SEMA4D: variants seen among roughly 807,000 people sequenced by gnomAD.
The protein encoded by SEMA4D is semaphorin-4D.
A neutral mutation model predicts 74.8 loss-of-function variants in SEMA4D; 22 were observed. That is an observed-to-expected ratio of 0.29 (90% confidence interval 0.21 to 0.42). The LOEUF (loss-of-function observed/expected upper bound fraction) is 0.42. Ranked by LOEUF, SEMA4D falls within the 10% of genes least tolerant of loss-of-function variation. SEMA4D has a pLI of 1.00. For missense variants in SEMA4D, 937 were observed against 1,118.4 expected (o/e 0.84, Z 2.31); for synonymous variants, 445 against 463.7 (o/e 0.96, Z 0.52).
intron 3 of SEMA4D, 111 bp from the exon 4 acceptor site, chr9:89,403,127 G>A: frequency 7.7e-7 from 1 of 1,293,032 alleles, no homozygotes; most frequent in South Asian, 1.4e-5. Flanking sequence ...AGCACGTCTG[G>A]GTGCAGTCAT....
intron 2 of SEMA4D, among the ~76,000 whole-genome samples, chr9:89,408,211 C>A (rs1843725061): frequency 6.6e-6 from 1 of 152,178 alleles, no homozygotes; most frequent in Non-Finnish European, 1.5e-5. Context: ...ATGTTTATTG[C>A]TCTGACAAAT....
intron 2 of SEMA4D, among the ~76,000 whole-genome samples, chr9:89,413,605 C>T (rs887022463): frequency 1.3e-5 from 2 of 152,226 alleles, no homozygotes; most frequent in African/African-American, 4.8e-5. Context: ...GTCTGCATGT[C>T]TGCACATGCA....
intron 1 of SEMA4D, among the ~76,000 whole-genome samples, chr9:89,485,470 G>C (rs1043351504): frequency 6.6e-6 from 1 of 152,102 alleles, no homozygotes; most frequent in Non-Finnish European, 1.5e-5. Context: ...AATGGCCAAA[G>C]GGTACATGTG....
chr9:89,465,124 C>T (rs565699130), intron 1 of SEMA4D, among the ~76,000 whole-genome samples: 6 of 152,332 alleles, frequency 3.9e-5, no homozygotes, highest in Admixed American at 2.0e-4. Context: ...GAGCCTCTCA[C>T]GCTGGCTCAG....
chr9:89,379,084 T>A lies in SEMA4D; in HGVS notation c.2209A>T (p.Met737Leu). 9.3e-6 allele frequency: 15 copies of A among 1,613,848 alleles called. No homozygotes were observed. Among genetic ancestry groups the A allele is most frequent in the Non-Finnish European group, 1.2e-5 (14 of 1,179,904 alleles). Residue 737 changes from methionine (M) to leucine (L), a missense_variant, in exon 16 of 16, where the codon ATG (methionine) becomes TTG (leucine). Physicochemically the swap from Met to Leu is conservative, Grantham distance 15. Transcript: ENST00000422704. ...YLKSSDNRLL[M>L]SLFLFFFVLF... ...ACAAAGAAGAAGAGGAAGAGGGACA[T>A]GAGGAGGCGGTTGTCGCTGGACTTA...
intron 13 of SEMA4D, chr9:89,385,492 G>A: frequency 1.0e-6 from 1 of 985,394 alleles, no homozygotes; most frequent in Non-Finnish European, 1.2e-6. Flanking sequence ...GTGTCCTGGA[G>A]ACCGAGAGGC....
At chr9:89,398,550 C>A (rs1841503076) in intron 5 of SEMA4D, among the ~76,000 whole-genome samples, 1 of 152,250 alleles carries the variant, frequency 6.6e-6, no homozygotes, top group South Asian at 2.1e-4. Flanking sequence ...AAAAGGCTGT[C>A]ATACTGGCCC....
chr9:89,454,079 G>C (rs571909329), intron 2 of SEMA4D, among the ~76,000 whole-genome samples: 2 of 152,062 alleles, frequency 1.3e-5, no homozygotes, highest in Non-Finnish European at 2.9e-5. Context: ...GGATGGTCTC[G>C]ATAGAATATA....
At chr9:89,396,659 A>ACG in intron 6 of SEMA4D, 78 bp downstream of exon 6, 1 of 1,189,458 alleles carries the variant, frequency 8.4e-7, no homozygotes, top group South Asian at 1.3e-5. Flanking sequence ...AGACAGCTTT[A>ACG]CGTCTGCTTT....
intron 13 of SEMA4D, chr9:89,385,807 T>C (rs926236824): frequency 4.2e-6 from 3 of 711,460 alleles, no homozygotes; most frequent in Non-Finnish European, 5.2e-6. Context: ...CACAAGGTGG[T>C]TGGAGGTCCC....
intron 1 of SEMA4D, among the ~76,000 whole-genome samples, chr9:89,478,410 G>A (rs1048223277): frequency 3.9e-5 from 6 of 152,092 alleles, no homozygotes; most frequent in African/African-American, 1.4e-4. Context: ...GAAGCAGGAC[G>A]GAGGCCCCCC....
rs75298730 is a variant in SEMA4D, at chr9:89,381,249, G to A, written c.1544C>T (p.Ala515Val). 1.3e-4 allele frequency: 207 copies of A among 1,604,210 alleles called. No individual in the cohort carries two copies. The East Asian group carries it at 2.2e-3, about 17-fold the overall frequency. ...GCTCCAGGCGCAGTAGGGGTCCCGC[G>A]CCAGCACACAGTCCTCGCAGGTGCC... is the stretch of plus-strand genomic sequence containing the variant. The part of the protein sequence containing the change: ...KHGTCEDCVL[A>V]RDPYCAWSPP... The change falls in exon 14 of 16, where the codon GCG becomes GTG. Residue 515 changes from alanine to valine, a missense_variant. Coordinates refer to ENST00000422704, the MANE Select transcript of SEMA4D (RefSeq NM_001371194.2). The surrounding 1 kb of genome is among the most constrained non-coding windows in gnomAD (Gnocchi z 4.6).
intron 2 of SEMA4D, among the ~76,000 whole-genome samples, chr9:89,433,029 C>T (rs555708652): frequency 6.6e-6 from 1 of 152,376 alleles, no homozygotes; most frequent in South Asian, 2.1e-4. Context: ...ATAGTGAGAA[C>T]ACAAGAGCGT....
At chr9:89,466,154 C>T (rs879423577) in intron 1 of SEMA4D, among the ~76,000 whole-genome samples, 4 of 152,086 alleles carry the variant, frequency 2.6e-5, no homozygotes, top group African/African-American at 4.8e-5. Flanking sequence ...TAGGGGCTTC[C>T]GTAGCACAGT....
At chr9:89,399,190 C>T in intron 5 of SEMA4D, 86 bp downstream of exon 5, 1 of 1,150,568 alleles carries the variant, frequency 8.7e-7, no homozygotes, top group Non-Finnish European at 1.3e-6. Context: ...GGCTGGCCTG[C>T]ACTGCAGGCA....
intron 11 of SEMA4D, among the ~76,000 whole-genome samples, chr9:89,388,376 G>T (rs1009141704): frequency 3.3e-5 from 5 of 152,266 alleles, no homozygotes; most frequent in African/African-American, 1.2e-4. Flanking sequence ...AAATGAAACA[G>T]ACCTAATTGT....
chr9:89,400,504 C>CCA (rs1173639627), intron 4 of SEMA4D, among the ~76,000 whole-genome samples: 1 of 152,160 alleles, frequency 6.6e-6, no homozygotes. Context: ...GAGAGGAACC[C>CCA]CACTTTAGGT....
chr9:89,419,223 TC>T (rs574877058), intron 2 of SEMA4D, among the ~76,000 whole-genome samples: 65 of 152,304 alleles, frequency 4.3e-4, no homozygotes, highest in African/African-American at 1.5e-3. Context: ...TAGTGGAGCT[TC>T]CAGAGACTGA....
At chr9:89,363,449 T>C in exon 18 of SEMA4D, 1 of 1,613,816 alleles carries the variant, frequency 6.2e-7, no homozygotes, top group Non-Finnish European at 8.5e-7. Context: ...CCTCCAGCTC[T>C]GCATCATCCG....
Sources: gnomAD v4.1 joint callset for allele counts (sites outside exome capture counted in the v4.1 genomes callset) on GRCh38, gnomAD v4.1.1 for gene constraint, Gnocchi (gnomAD v3.1) non-coding constraint, MANE v1.5 for transcripts, NCBI Gene and HGNC (gene_info 2026-07-23, HGNC 2026-07-21) for gene names.